LSM3: variants seen among roughly 807,000 people sequenced by gnomAD.
The protein encoded by LSM3 is U6 snRNA-associated Sm-like protein LSm3.
In LSM3, 14 loss-of-function variants were observed where a neutral mutation model predicts 15.4. The observed-to-expected ratio is 0.91, with a 90% CI of 0.60 to 1.42. LSM3 has a LOEUF of 1.42. LSM3 is among the 40% of genes most tolerant of loss of function. LSM3 has a pLI of 0.00. For synonymous variants in LSM3, 46 were observed against 45.1 expected, an observed-to-expected ratio of 1.02 and a Z score of -0.08; for missense variants, 88 against 127.9, an observed-to-expected ratio of 0.69 and a Z score of 1.50.
intron 3 of LSM3, among the ~76,000 whole-genome samples, chr3:14,194,937 A>G (rs1553609707): frequency 1.3e-5 from 2 of 151,892 alleles, no homozygotes; most frequent in South Asian, 4.2e-4. Flanking sequence ...TTCCTCACAC[A>G]TGGGTTGTTG....
chr3:14,182,177 TAG>T (rs1559390586), intron 2 of LSM3, among the ~76,000 whole-genome samples: 2 of 152,142 alleles, frequency 1.3e-5, no homozygotes, highest in African/African-American at 4.8e-5. Context: ...CTGGGCAACA[TAG>T]AGAGACCCTG....
intron 3 of LSM3, among the ~76,000 whole-genome samples, chr3:14,188,449 G>A (rs564265061): frequency 3.3e-5 from 5 of 152,232 alleles, no homozygotes; most frequent in East Asian, 3.9e-4. Flanking sequence ...GACTCACACA[G>A]TCTTAAAATT....
At chr3:14,188,138 A>G (rs917917124) in intron 3 of LSM3, among the ~76,000 whole-genome samples, 20 of 152,180 alleles carry the variant, frequency 1.3e-4, no homozygotes, top group Non-Finnish European at 2.5e-4. Context: ...GAAAATTTCT[A>G]TCTATGCTGT....
chr3:14,182,088 C>A (rs140420428), intron 2 of LSM3, among the ~76,000 whole-genome samples: 2 of 152,190 alleles, frequency 1.3e-5, no homozygotes, highest in Admixed American at 1.3e-4. Flanking sequence ...GGTGCAGTGG[C>A]TCATTCCTGT....
intron 3 of LSM3, 66 bp downstream of exon 3, chr3:14,184,098 C>G: frequency 1.3e-6 from 2 of 1,506,292 alleles, no homozygotes; most frequent in African/African-American, 2.8e-5. Flanking sequence ...CAGCTTAACC[C>G]ATATTTATGG....
rs1213956836 is a variant in LSM3, at chr3:14,200,278, G to A, written c.*2162G>A. ...AGCCACCTATGTGTCAGGAAATGGA[G>A]GGAGGGGAGGCAATGTGTGAGTCCT... On this transcript the variant is annotated 3_prime_UTR_variant, in exon 4 of 4. Transcript: ENST00000306024. 1 of 152,250 alleles carries A rather than the reference G, an allele frequency of 6.6e-6. No individual in the cohort carries two copies. The highest frequency in any genetic ancestry group is 2.4e-5 in the African/African-American group (1 of 41,468). The allele number at this position is 152,250 out of a possible 1,614,324, so 9.4% of individuals were successfully genotyped here.
At chr3:14,183,183 C>G (rs1473788598) in intron 2 of LSM3, among the ~76,000 whole-genome samples, 1 of 152,138 alleles carries the variant, frequency 6.6e-6, no homozygotes, top group African/African-American at 2.4e-5. Flanking sequence ...TTAGTGTGCC[C>G]TGCTTAGCAG....
At chr3:14,181,701 C>T in intron 2 of LSM3, 31 bp downstream of exon 2, 1 of 1,449,596 alleles carries the variant, frequency 6.9e-7, no homozygotes, top group Non-Finnish European at 9.7e-7. Context: ...ACCTTGAAAT[C>T]AGATTCCTTC....
At chr3:14,182,614 C>G (rs967092599) in intron 2 of LSM3, among the ~76,000 whole-genome samples, 2 of 152,110 alleles carry the variant, frequency 1.3e-5, no homozygotes, top group African/African-American at 4.8e-5. Flanking sequence ...TTGTTACTTT[C>G]CTAAGTGTGT....
In LSM3 at chr3:14,183,925, C is replaced by T; in HGVS notation, c.133-12C>T. 1 of 1,589,650 alleles carries T rather than the reference C, an allele frequency of 6.3e-7. No individual in the cohort carries two copies. ...TTATTAAATTTCTTGGTTCTGTACC[C>T]TCCCACTTTAGGCTTATGATCAACA... On this transcript the variant is annotated splice_polypyrimidine_tract_variant and intron_variant, in intron 2 of 3. Transcript: ENST00000306024.
intron 3 of LSM3, among the ~76,000 whole-genome samples, chr3:14,191,313 G>A (rs558834351): frequency 6.6e-6 from 1 of 152,292 alleles, no homozygotes; most frequent in East Asian, 1.9e-4. Context: ...GAGTTAGGGA[G>A]GATTCCCTCT....
At chr3:14,194,524 G>A (rs535607971) in intron 3 of LSM3, among the ~76,000 whole-genome samples, 162 of 152,118 alleles carry the variant, frequency 1.1e-3, no homozygotes, top group Non-Finnish European at 1.8e-3. Flanking sequence ...ATCTCTCTGC[G>A]TCTACTGCCC....
At chr3:14,197,565 C>G (rs993116967) in intron 3 of LSM3, among the ~76,000 whole-genome samples, 2 of 152,202 alleles carry the variant, frequency 1.3e-5, no homozygotes, top group Non-Finnish European at 2.9e-5. Flanking sequence ...GGGTTTAGAT[C>G]TGCACAATAG....
chr3:14,184,099 A>T, intron 3 of LSM3, 67 bp downstream of exon 3: 1 of 1,499,732 alleles, frequency 6.7e-7, no homozygotes, highest in Admixed American at 2.3e-5. Context: ...AGCTTAACCC[A>T]TATTTATGGG....
intron 1 of LSM3, among the ~76,000 whole-genome samples, chr3:14,180,684 G>T (rs751310090): frequency 2.6e-5 from 4 of 152,068 alleles, no homozygotes; most frequent in Non-Finnish European, 5.9e-5. Flanking sequence ...CCAGAAAGAA[G>T]GTTGTGGCTT....
In LSM3 at chr3:14,200,715, T is replaced by TA. The variant is rs1380111958; in HGVS notation, c.*2601dup. On this transcript the variant is annotated 3_prime_UTR_variant, in exon 4 of 4. Coordinates refer to ENST00000306024, the MANE Select transcript of LSM3 (RefSeq NM_014463.3). ...TAACTTGAGTATCCCAAGTTAAACT[T>TA]AATCATTAGCTGCAAATGGACGATT... The TA allele has an allele frequency of 6.6e-6, 1 of 152,232 alleles. No homozygotes were observed. Among genetic ancestry groups the TA allele is most frequent in the Non-Finnish European group, 1.5e-5 (1 of 68,042 alleles). The allele number at this position is 152,232 out of a possible 1,614,324, so 9.4% of individuals were successfully genotyped here.
rs144702523 is a variant in LSM3 at position 14,196,225 on chromosome 3, G to A, written c.229-1811G>A. On this transcript the variant is annotated intron_variant, in intron 3 of 3. Transcript: ENST00000306024. Reference sequence around the variant, plus strand: ...ACCTGCCTCATCCTCCTAAAGTGCCGGATTACAGGTGTGAACCACCGTGCC... The same window carrying A: ...ACCTGCCTCATCCTCCTAAAGTGCCAGATTACAGGTGTGAACCACCGTGCC... Among the ~76,000 whole-genome samples, 14 of 152,074 alleles carry A rather than the reference G, an allele frequency of 9.2e-5. 1 individual carries two copies. The East Asian group carries it at 2.5e-3, about 27-fold the overall frequency.
At chr3:14,192,219 A>G (rs1027886247) in intron 3 of LSM3, among the ~76,000 whole-genome samples, 1 of 152,186 alleles carries the variant, frequency 6.6e-6, no homozygotes, top group African/African-American at 2.4e-5. Context: ...TCAATTTTAG[A>G]ATAAGTGTGA....
At chr3:14,179,891 T>C (rs974733100) in intron 1 of LSM3, among the ~76,000 whole-genome samples, 1 of 152,246 alleles carries the variant, frequency 6.6e-6, no homozygotes, top group African/African-American at 2.4e-5. Flanking sequence ...TACAGTATTA[T>C]AATTATTTGT....
Sources: gnomAD v4.1 joint callset for allele counts (sites outside exome capture counted in the v4.1 genomes callset) on GRCh38, gnomAD v4.1.1 for gene constraint, MANE v1.5 for transcripts, NCBI Gene and HGNC (gene_info 2026-07-23, HGNC 2026-07-21) for gene names.